ME1: variants seen among roughly 807,000 people sequenced by gnomAD.
The protein encoded by ME1 is NADP-dependent malic enzyme.
A neutral mutation model predicts 66.4 loss-of-function variants in ME1; 74 were observed. The observed-to-expected ratio is 1.11, with a 90% CI of 0.92 to 1.35. The LOEUF (loss-of-function observed/expected upper bound fraction) is 1.35. Among genes scored for constraint, ME1 ranks in the 40% most tolerant of loss-of-function variants. The probability of loss-of-function intolerance (pLI) is 0.00; values close to 1 mark genes in which losing one functional copy is unlikely to be tolerated. For synonymous variants in ME1, 251 were observed against 235.6 expected (o/e 1.07, Z -0.60); for missense variants, 750 against 694.1 (o/e 1.08, Z -0.90).
intron 6 of ME1, among the ~76,000 whole-genome samples, chr6:83,284,267 C>T (rs1174276989): frequency 6.6e-6 from 1 of 151,762 alleles, no homozygotes; most frequent in Non-Finnish European, 1.5e-5. Flanking sequence ...AAAAAATCCC[C>T]CAAAAACCCA....
At chr6:83,284,094 C>G (rs140463650) in intron 6 of ME1, among the ~76,000 whole-genome samples, 148 of 152,184 alleles carry the variant, frequency 9.7e-4, no homozygotes, top group African/African-American at 3.1e-3. Context: ...TTCTCAGAGA[C>G]TATTATGAAC....
chr6:83,364,383 T>G (rs1769060532), intron 3 of ME1, among the ~76,000 whole-genome samples: 1 of 151,612 alleles, frequency 6.6e-6, no homozygotes, highest in Non-Finnish European at 1.5e-5. Context: ...TAATACTTAA[T>G]AAACTCCCCT....
chr6:83,275,015 A>C (rs1767150298), intron 6 of ME1, among the ~76,000 whole-genome samples: 1 of 152,208 alleles, frequency 6.6e-6, no homozygotes, highest in Non-Finnish European at 1.5e-5. Flanking sequence ...AGAAGATTTT[A>C]AAATGGTAAC....
At position 83,216,532 on chromosome 6, in the gene ME1, G is replaced by T. The variant is rs1316559609; in HGVS notation, c.1514C>A (p.Thr505Asn). 1.9e-6 allele frequency: 3 copies of T among 1,611,200 alleles called. No homozygotes were observed. Among genetic ancestry groups the T allele is most frequent in the Admixed American group, 1.7e-5 (1 of 59,662 alleles). The change falls in exon 13 of 14, where the codon ACC becomes AAC. Residue 505 changes from threonine to asparagine, a missense_variant. Coordinates refer to ENST00000369705, the MANE Select transcript of ME1 (RefSeq NM_002395.6). ...EEGRLYPPLN[T>N]IRDVSLKIAE... ...AATTTTCAGAGAAACATCTCTAATG[G>T]TATTCAAAGGAGGATAAAGCCGACC...
intron 6 of ME1, among the ~76,000 whole-genome samples, chr6:83,261,289 T>C (rs917137521): frequency 6.6e-6 from 1 of 152,158 alleles, no homozygotes; most frequent in Non-Finnish European, 1.5e-5. Context: ...GTTCTTTGCC[T>C]ACTTTTTAAT....
chr6:83,292,131 C>G (rs1767514990), intron 6 of ME1, among the ~76,000 whole-genome samples: 1 of 152,112 alleles, frequency 6.6e-6, no homozygotes, highest in South Asian at 2.1e-4. Context: ...GTCAATTCAT[C>G]AAATTCATTC....
At chr6:83,227,589 A>C in intron 10 of ME1, 112 bp from the exon 11 acceptor site, 2 of 864,046 alleles carry the variant, frequency 2.3e-6, no homozygotes, top group Non-Finnish European at 1.7e-6. Flanking sequence ...TAGACCCTAA[A>C]CAAAATGCTA....
chr6:83,257,504 T>A (rs1281110875), intron 6 of ME1, among the ~76,000 whole-genome samples: 1 of 152,076 alleles, frequency 6.6e-6, no homozygotes, highest in Admixed American at 6.6e-5. Flanking sequence ...GCTCTGTAAA[T>A]CACTAAAGAC....
intron 4 of ME1, among the ~76,000 whole-genome samples, chr6:83,350,230 A>T (rs188080694): frequency 6.6e-6 from 1 of 152,150 alleles, no homozygotes; most frequent in African/African-American, 2.4e-5. Flanking sequence ...CTATGCTAAG[A>T]TTTTTAAATA....
intron 9 of ME1, among the ~76,000 whole-genome samples, chr6:83,235,168 G>A (rs1034435630): frequency 2.6e-5 from 4 of 152,082 alleles, no homozygotes; most frequent in African/African-American, 9.7e-5. Context: ...ATCTTCCTCA[G>A]TACTCCCATC....
intron 6 of ME1, among the ~76,000 whole-genome samples, chr6:83,302,598 T>C (rs1767747912): frequency 6.6e-6 from 1 of 152,204 alleles, no homozygotes; most frequent in African/African-American, 2.4e-5. Context: ...GTGTGATACA[T>C]GCTATTTTGG....
intron 5 of ME1, among the ~76,000 whole-genome samples, chr6:83,323,229 T>G (rs917580468): frequency 2.0e-5 from 3 of 152,122 alleles, no homozygotes; most frequent in Non-Finnish European, 4.4e-5. Context: ...ATTGACATTA[T>G]GAGGAAACTG....
chr6:83,282,944 T>C (rs1767325849), intron 6 of ME1, among the ~76,000 whole-genome samples: 3 of 151,920 alleles, frequency 2.0e-5, no homozygotes, highest in South Asian at 2.1e-4. Context: ...AAATGATGAG[T>C]TCGGCCGGGC....
intron 6 of ME1, among the ~76,000 whole-genome samples, chr6:83,272,414 G>A (rs957778550): frequency 6.6e-6 from 1 of 152,050 alleles, no homozygotes. Context: ...AAGATAATTT[G>A]TGTGTAACAT....
chr6:83,271,306 A>C (rs1426439378), intron 6 of ME1, among the ~76,000 whole-genome samples: 1 of 152,160 alleles, frequency 6.6e-6, no homozygotes, highest in East Asian at 1.9e-4. Flanking sequence ...TCTGAAAACC[A>C]TTTTCTCTTT....
At chr6:83,377,813 A>G (rs1769321466) in intron 3 of ME1, among the ~76,000 whole-genome samples, 1 of 151,484 alleles carries the variant, frequency 6.6e-6, no homozygotes, top group South Asian at 2.1e-4. Flanking sequence ...CAAAGACTCA[A>G]ATTATGGTTT....
intron 6 of ME1, among the ~76,000 whole-genome samples, chr6:83,259,147 C>T (rs113370823): frequency 3.6e-4 from 55 of 152,224 alleles, no homozygotes; most frequent in African/African-American, 1.3e-3. Flanking sequence ...GGATTTATTA[C>T]ATATGGAACA....
intron 5 of ME1, among the ~76,000 whole-genome samples, chr6:83,328,505 AG>A (rs1466111958): frequency 7.9e-5 from 12 of 152,180 alleles, no homozygotes; most frequent in African/African-American, 2.9e-4. Context: ...GTTAAAAATT[AG>A]TTTTTTTAAT....
intron 5 of ME1, among the ~76,000 whole-genome samples, chr6:83,332,173 T>C (rs1380576847): frequency 6.6e-6 from 1 of 152,122 alleles, no homozygotes; most frequent in Non-Finnish European, 1.5e-5. Context: ...AATTTAATAC[T>C]TAGTATTATT....
Sources: allele counts gnomAD v4.1 joint callset (sites outside exome capture counted in the v4.1 genomes callset), GRCh38; gene constraint gnomAD v4.1.1; transcripts MANE v1.5; gene names NCBI Gene and HGNC (gene_info 2026-07-23, HGNC 2026-07-21).